The following MYO5A variants were observed in gnomAD, a reference collection of about 807,000 sequenced individuals.
MYO5A encodes unconventional myosin-Va.
Under a neutral mutation model 249.7 loss-of-function variants are expected in MYO5A, and 98 were observed. The observed-to-expected ratio is 0.39, with a 90% CI of 0.33 to 0.46. The LOEUF is 0.46. MYO5A is among the 20% of genes least tolerant of loss of function. The pLI is 0.98. For synonymous variants in MYO5A, 778 were observed against 810.6 expected, an observed-to-expected ratio of 0.96 and a Z score of 0.68; for missense variants, 1,696 against 2,308.8, an observed-to-expected ratio of 0.73 and a Z score of 5.44.
chr15:52,464,579 C>T (rs904761881), intron 1 of MYO5A, among the ~76,000 whole-genome samples: 5 of 152,144 alleles, frequency 3.3e-5, no homozygotes, highest in Non-Finnish European at 5.9e-5. Context: ...CAACGAACAC[C>T]GAAACCTAGA....
intron 1 of MYO5A, among the ~76,000 whole-genome samples, chr15:52,469,118 T>C (rs2076407541): frequency 6.6e-6 from 1 of 152,204 alleles, no homozygotes; most frequent in Non-Finnish European, 1.5e-5. Flanking sequence ...CAAAGGCTAA[T>C]TCATATATGT....
At chr15:52,382,739 T>C (rs2041808651) in intron 16 of MYO5A, among the ~76,000 whole-genome samples, 1 of 152,204 alleles carries the variant, frequency 6.6e-6, no homozygotes, top group Non-Finnish European at 1.5e-5. Flanking sequence ...CAGGTAAGCA[T>C]TCGCCAAACA....
In MYO5A at chr15:52,384,353, T is replaced by C. The variant is rs760258022; in HGVS notation, c.1753-31A>G. 3 of 1,608,198 alleles carry C rather than the reference T, an allele frequency of 1.9e-6. No homozygotes were observed. The Admixed American group carries it at 5.0e-5, about 27-fold the overall frequency. Reference sequence around the variant, plus strand: ...TCAGAAACAATATAAAGAAATTACATTCTAAACCAAACTTGAACGCAAACC... The same window carrying C: ...TCAGAAACAATATAAAGAAATTACACTCTAAACCAAACTTGAACGCAAACC... On this transcript the variant is annotated intron_variant, in intron 14 of 41. Coordinates refer to ENST00000399233, the MANE Select transcript of MYO5A (RefSeq NM_001382347.1).
chr15:52,470,650 C>T (rs767731828), intron 1 of MYO5A, among the ~76,000 whole-genome samples: 2 of 150,952 alleles, frequency 1.3e-5, no homozygotes, highest in Non-Finnish European at 2.9e-5. Context: ...AACTCCATCC[C>T]CCCTCAAAAA....
chr15:52,488,566 G>T (rs868344773), intron 1 of MYO5A, among the ~76,000 whole-genome samples: 2 of 152,122 alleles, frequency 1.3e-5, no homozygotes, highest in African/African-American at 2.4e-5. Flanking sequence ...AAAGTACATA[G>T]AAAGGCATAC....
intron 28 of MYO5A, among the ~76,000 whole-genome samples, chr15:52,349,057 A>T (rs1045233725): frequency 2.6e-5 from 4 of 152,232 alleles, no homozygotes; most frequent in Admixed American, 6.5e-5. Flanking sequence ...TCCAGGAACA[A>T]ATGCTTGAAA....
chr15:52,502,188 C>A (rs549913561), intron 1 of MYO5A, among the ~76,000 whole-genome samples: 47 of 152,140 alleles, frequency 3.1e-4, no homozygotes, highest in African/African-American at 1.1e-3. Context: ...GAGGCTGAAG[C>A]AGGAGAATTG....
intron 35 of MYO5A, among the ~76,000 whole-genome samples, chr15:52,329,981 TC>T (rs201510418): frequency 3.4e-5 from 5 of 146,856 alleles, no homozygotes; most frequent in African/African-American, 1.0e-4. Flanking sequence ...GAGGGTTTTT[TC>T]TTTTTCTTTT....
rs369522502 is a variant in MYO5A at position 52,419,434 on chromosome 15, C to T, written c.456-3133G>A. Among the ~76,000 whole-genome samples, 6 of 152,298 alleles carry T rather than the reference C, an allele frequency of 3.9e-5. No homozygotes were observed. The East Asian group carries it at 7.7e-4, about 20-fold the overall frequency. On this transcript the variant is annotated intron_variant, in intron 4 of 41. Coordinates refer to ENST00000399233, the MANE Select transcript of MYO5A (RefSeq NM_001382347.1). ...GTTAGAGAGATGCTAAGTTTTTCTA[C>T]ATCATCACTCATCAAAATCAAGCTG... is the stretch of plus-strand genomic sequence containing the variant.
chr15:52,319,476 C>T, intron 38 of MYO5A, 134 bp from the exon 39 acceptor site: 2 of 1,029,230 alleles, frequency 1.9e-6, no homozygotes, highest in Non-Finnish European at 3.0e-6. Flanking sequence ...ATCTGTAATC[C>T]CAGCACTTTG....
intron 27 of MYO5A, among the ~76,000 whole-genome samples, 155 bp downstream of exon 27, chr15:52,353,450 A>G (rs1012513987): frequency 1.3e-5 from 2 of 152,252 alleles, no homozygotes; most frequent in Admixed American, 6.5e-5. Flanking sequence ...TTATAAAAAG[A>G]AACAACACAA....
chr15:52,520,140 G>GC (rs901154488), intron 1 of MYO5A, among the ~76,000 whole-genome samples: 1 of 152,196 alleles, frequency 6.6e-6, no homozygotes, highest in Non-Finnish European at 1.5e-5. Context: ...AGGAGGGGTA[G>GC]AATTCCATGA....
chr15:52,467,001 T>G (rs1274865978), intron 1 of MYO5A, among the ~76,000 whole-genome samples: 1 of 152,222 alleles, frequency 6.6e-6, no homozygotes, highest in Non-Finnish European at 1.5e-5. Flanking sequence ...ATTAAGGCTA[T>G]GTATATCCAA....
chr15:52,450,760 C>T (rs2075999642), intron 1 of MYO5A, among the ~76,000 whole-genome samples: 2 of 151,688 alleles, frequency 1.3e-5, no homozygotes, highest in African/African-American at 4.8e-5. Context: ...ATCTCAGCCT[C>T]CCAGAGTGCT....
chr15:52,314,257 G>C, intron 40 of MYO5A, 54 bp from the exon 41 acceptor site: 1 of 1,267,708 alleles, frequency 7.9e-7, no homozygotes, highest in Non-Finnish European at 1.2e-6. Context: ...TACACACTGG[G>C]TACCTATAAT....
At position 52,372,160 on chromosome 15, in the gene MYO5A, G is replaced by A. The variant is rs1336956965; in HGVS notation, c.2781C>T (p.Asn927=). 6.2e-7 allele frequency: 1 copy of A among 1,613,684 alleles called. No homozygotes were observed. The highest frequency in any genetic ancestry group is 8.5e-7 in the Non-Finnish European group (1 of 1,180,016). The change falls in exon 21 of 42, where the codon AAC becomes AAT. Residue 927 remains asparagine (N), a synonymous_variant. Transcript: ENST00000399233. Reference sequence around the variant, plus strand: ...CTTTGCGCTGCAGCTGCATGATCTTGTTCTCCATGCCGATGTGCAGCTTCT... The same window carrying A: ...CTTTGCGCTGCAGCTGCATGATCTTATTCTCCATGCCGATGTGCAGCTTCT... ...RYKKLHIGME[N]KIMQLQRKVD...
intron 1 of MYO5A, among the ~76,000 whole-genome samples, chr15:52,443,936 T>C (rs959042950): frequency 3.3e-5 from 5 of 151,844 alleles, no homozygotes; most frequent in African/African-American, 1.2e-4. Context: ...TGAGCCGAGA[T>C]TGTGCCACTA....
At chr15:52,473,240 T>C (rs2076515474) in intron 1 of MYO5A, among the ~76,000 whole-genome samples, 1 of 152,240 alleles carries the variant, frequency 6.6e-6, no homozygotes, top group South Asian at 2.1e-4. Flanking sequence ...TTGATGGGGC[T>C]GTTTGATTTT....
intron 29 of MYO5A, among the ~76,000 whole-genome samples, chr15:52,348,213 C>T (rs1387089385): frequency 6.6e-6 from 1 of 152,214 alleles, no homozygotes; most frequent in African/African-American, 2.4e-5. Context: ...ACTGCTCAAA[C>T]TTTGTCTCTC....
Sources: allele counts gnomAD v4.1 joint callset (sites outside exome capture counted in the v4.1 genomes callset), GRCh38; gene constraint gnomAD v4.1.1; transcripts MANE v1.5; gene names NCBI Gene and HGNC (gene_info 2026-07-23, HGNC 2026-07-21).